GRID2: variants seen among roughly 807,000 people sequenced by gnomAD.
GRID2 encodes the protein glutamate ionotropic receptor delta type subunit 2.
GRID2 carries 33 observed loss-of-function variants against 114.8 expected under a neutral mutation model. The observed-to-expected ratio is 0.29, with a 90% CI of 0.22 to 0.38. The LOEUF (loss-of-function observed/expected upper bound fraction) is 0.38. GRID2 is among the 10% of genes least tolerant of loss of function. The pLI is 1.00. For synonymous variants in GRID2, 505 were observed against 449.9 expected, an observed-to-expected ratio of 1.12 and a Z score of -1.55; for missense variants, 1,184 against 1,257.7, an observed-to-expected ratio of 0.94 and a Z score of 0.89.
chr4:93,067,369 G>T (rs1185947768), intron 2 of GRID2, among the ~76,000 whole-genome samples: 1 of 151,996 alleles, frequency 6.6e-6, no homozygotes, highest in East Asian at 1.9e-4. Context: ...AGTTCTGGAG[G>T]CTGAGAAGTC....
chr4:93,596,554 G>T lies in GRID2; in HGVS notation c.2194-29715G>T, dbSNP rs574546154. Among the ~76,000 whole-genome samples, 566 of 152,074 alleles carry T rather than the reference G, an allele frequency of 3.7e-3. 2 individuals carry two copies. The highest frequency in any genetic ancestry group is 0.016 in the South Asian group (75 of 4,818). On this transcript the variant is annotated intron_variant, in intron 13 of 15. Transcript: ENST00000282020. ...GATCGCGTCACTGCACTCCAGCCTG[G>T]GCGACAGAGTGAGACTCGGTCTTAA...
intron 4 of GRID2, among the ~76,000 whole-genome samples, chr4:93,140,351 G>T (rs902305765): frequency 2.0e-5 from 3 of 151,860 alleles, no homozygotes; most frequent in African/African-American, 7.3e-5. Flanking sequence ...GTAGAGACGG[G>T]GTTTCACCGT....
chr4:92,835,753 G>T (rs1262847764), intron 2 of GRID2, among the ~76,000 whole-genome samples: 1 of 152,070 alleles, frequency 6.6e-6, no homozygotes, highest in Non-Finnish European at 1.5e-5. Context: ...ATACACAAAT[G>T]TATGCATACA....
chr4:93,699,780 TA>T (rs1414726279), intron 14 of GRID2, among the ~76,000 whole-genome samples: 3 of 152,256 alleles, frequency 2.0e-5, no homozygotes, highest in African/African-American at 7.2e-5. Context: ...TAAAATTGGT[TA>T]TAAGTTATGA....
chr4:93,618,503 G>A (rs778090166), intron 13 of GRID2, among the ~76,000 whole-genome samples: 4 of 152,150 alleles, frequency 2.6e-5, no homozygotes, highest in East Asian at 1.9e-4. Flanking sequence ...CCCCTCCTGA[G>A]ACACACAGAA....
chr4:92,729,231 T>C (rs920442756), intron 2 of GRID2, among the ~76,000 whole-genome samples: 13 of 152,184 alleles, frequency 8.5e-5, no homozygotes, highest in African/African-American at 3.1e-4. Context: ...CAATAAACCA[T>C]TGGCTTCACC....
chr4:93,027,590 T>C (rs1724000712), intron 2 of GRID2, among the ~76,000 whole-genome samples: 1 of 152,148 alleles, frequency 6.6e-6, no homozygotes, highest in East Asian at 1.9e-4. Context: ...CACATTCATA[T>C]GTTGTTATCT....
Position 92,942,440 on chromosome 4 carries a change from C to G in GRID2, c.245-142555C>G, listed in dbSNP as rs1479047987. On this transcript the variant is annotated intron_variant, in intron 2 of 15. Coordinates refer to ENST00000282020, the MANE Select transcript of GRID2 (RefSeq NM_001510.4). ...TTGCTTGGCAGATCTTCCTCCATCCCTTTATTTTGAGCCTGTGTGTGTCTC... is the reference window on the plus strand; with the variant it reads ...TTGCTTGGCAGATCTTCCTCCATCCGTTTATTTTGAGCCTGTGTGTGTCTC... Among the ~76,000 whole-genome samples, 6 of 152,116 alleles carry G rather than the reference C, an allele frequency of 3.9e-5. 1 individual carries two copies. Among genetic ancestry groups the G allele is most frequent in the Non-Finnish European group, 8.8e-5 (6 of 68,020 alleles).
At chr4:93,730,620 G>A (rs1310067303) in intron 14 of GRID2, among the ~76,000 whole-genome samples, 2 of 152,210 alleles carry the variant, frequency 1.3e-5, no homozygotes, top group Non-Finnish European at 1.5e-5. Context: ...AGGTAGATCA[G>A]CACAGATATT....
chr4:92,618,596 G>C (rs911995729), intron 2 of GRID2, among the ~76,000 whole-genome samples: 4 of 151,584 alleles, frequency 2.6e-5, no homozygotes, highest in African/African-American at 9.7e-5. Flanking sequence ...TGGGAAATAT[G>C]GTCATTTTAG....
intron 1 of GRID2, among the ~76,000 whole-genome samples, chr4:92,399,659 C>CTATA (rs1431602453): frequency 7.2e-6 from 1 of 139,250 alleles, no homozygotes; most frequent in South Asian, 2.2e-4. Flanking sequence ...CTCTCTCTCT[C>CTATA]TCTCTCTATA....
chr4:92,976,940 C>G (rs573792315), intron 2 of GRID2, among the ~76,000 whole-genome samples: 1 of 152,132 alleles, frequency 6.6e-6, no homozygotes. Context: ...CATGAAGAAA[C>G]TGAGACTCAC....
intron 14 of GRID2, among the ~76,000 whole-genome samples, chr4:93,672,420 G>A (rs1039361221): frequency 6.6e-6 from 1 of 152,234 alleles, no homozygotes; most frequent in Non-Finnish European, 1.5e-5. Context: ...AGAGCTAAAA[G>A]TGGAAAGAAA....
chr4:93,714,180 A>G (rs956049805), intron 14 of GRID2, among the ~76,000 whole-genome samples: 1 of 151,972 alleles, frequency 6.6e-6, no homozygotes, highest in Non-Finnish European at 1.5e-5. Flanking sequence ...GTAAGTGAGA[A>G]CATGTGGTGT....
chr4:92,383,765 G>A (rs992696050), intron 1 of GRID2, among the ~76,000 whole-genome samples: 4 of 151,858 alleles, frequency 2.6e-5, no homozygotes, highest in African/African-American at 7.3e-5. Context: ...TATAAAGTGT[G>A]TATATAATAT....
chr4:92,669,086 C>A (rs991915814), intron 2 of GRID2, among the ~76,000 whole-genome samples: 1 of 151,816 alleles, frequency 6.6e-6, no homozygotes, highest in African/African-American at 2.4e-5. Context: ...ATTTACCTCT[C>A]CTAAACATTT....
At chr4:93,387,734 G>A (rs1290192512) in intron 8 of GRID2, among the ~76,000 whole-genome samples, 3 of 151,144 alleles carry the variant, frequency 2.0e-5, no homozygotes, top group Admixed American at 6.6e-5. Flanking sequence ...GCAGGCTGAG[G>A]CAAGAGAATC....
At chr4:93,476,804 A>G (rs903465539) in intron 11 of GRID2, among the ~76,000 whole-genome samples, 5 of 151,966 alleles carry the variant, frequency 3.3e-5, no homozygotes, top group African/African-American at 1.2e-4. Context: ...TTTGAAACTT[A>G]TATCAATGTT....
intron 9 of GRID2, among the ~76,000 whole-genome samples, chr4:93,401,561 C>A (rs1394662974): frequency 6.6e-6 from 1 of 151,904 alleles, no homozygotes; most frequent in Non-Finnish European, 1.5e-5. Flanking sequence ...GGGCAAGAAG[C>A]CACATAAAGA....
Sources: gnomAD v4.1 joint callset for allele counts (sites outside exome capture counted in the v4.1 genomes callset) on GRCh38, gnomAD v4.1.1 for gene constraint, MANE v1.5 for transcripts, NCBI Gene and HGNC (gene_info 2026-07-23, HGNC 2026-07-21) for gene names.